Variants in WNT3A observed in about 807,000 individuals in gnomAD.
The protein encoded by WNT3A is protein Wnt-3a.
WNT3A carries 17 observed loss-of-function variants against 37.0 expected under a neutral mutation model. The observed-to-expected ratio is 0.46, with a 90% CI of 0.31 to 0.69. The LOEUF is 0.69. Ranked by LOEUF, WNT3A falls within the 30% of genes least tolerant of loss-of-function variation. The pLI, the probability that WNT3A is intolerant of heterozygous loss-of-function variation, is 0.05. For synonymous variants in WNT3A, 187 were observed against 211.0 expected, an observed-to-expected ratio of 0.89 and a Z score of 0.99; for missense variants, 411 against 510.2, an observed-to-expected ratio of 0.81 and a Z score of 1.87.
chr1:228,032,697 G>A (rs1358462105), intron 2 of WNT3A, among the ~76,000 whole-genome samples: 1 of 152,184 alleles, frequency 6.6e-6, no homozygotes, highest in Non-Finnish European at 1.5e-5. Context: ...ATACCTAGGA[G>A]CAGAATTGGG....
At chr1:228,051,433 C>T (rs1490211326) in intron 3 of WNT3A, among the ~76,000 whole-genome samples, 1 of 152,102 alleles carries the variant, frequency 6.6e-6, no homozygotes, top group South Asian at 2.1e-4. Flanking sequence ...CAAACCAAGC[C>T]GTGTAAAGCT....
At chr1:228,054,891 C>T (rs1333534309) in intron 3 of WNT3A, among the ~76,000 whole-genome samples, 2 of 147,794 alleles carry the variant, frequency 1.4e-5, no homozygotes, top group Admixed American at 6.7e-5. Context: ...CACGGTGGCT[C>T]GCACCTGTGA....
At chr1:228,013,609 G>A (rs1227199439) in intron 1 of WNT3A, among the ~76,000 whole-genome samples, 1 of 152,142 alleles carries the variant, frequency 6.6e-6, no homozygotes, top group Non-Finnish European at 1.5e-5. Flanking sequence ...AAGGGTTGCC[G>A]ACACCCAGGA....
chr1:228,011,065 G>A (rs1308727111), intron 1 of WNT3A, among the ~76,000 whole-genome samples: 1 of 152,156 alleles, frequency 6.6e-6, no homozygotes, highest in African/African-American at 2.4e-5. Flanking sequence ...CCTCAGTCCT[G>A]GTGGGCCTCA....
Position 228,007,284 on chromosome 1 carries a change from G to T in WNT3A, c.71+85G>T. ...CCCCTCGGGCAGGGACCCCGCGGTGGCCCGAGCCCGCGCCCTTCTGCTCCA... is the reference window on the plus strand; with the variant it reads ...CCCCTCGGGCAGGGACCCCGCGGTGTCCCGAGCCCGCGCCCTTCTGCTCCA... On this transcript the variant is annotated intron_variant, in intron 1 of 3. Coordinates refer to ENST00000284523, the MANE Select transcript of WNT3A (RefSeq NM_033131.4). This position sits in a 1 kb window ranked among gnomAD's most constrained non-coding sequence, Gnocchi z 6.0. 7.2e-7 allele frequency: 1 copy of T among 1,389,174 alleles called. No homozygotes were observed. Among genetic ancestry groups the T allele is most frequent in the Non-Finnish European group, 9.8e-7 (1 of 1,018,290 alleles). 86.1% of individuals were successfully genotyped at this position (1,389,174 alleles called of 1,614,324 possible). A position where few individuals can be genotyped will look rare whatever the true frequency, so the allele number is the denominator to read the frequency against.
At chr1:228,033,322 C>T (rs1459560530) in intron 2 of WNT3A, among the ~76,000 whole-genome samples, 1 of 151,542 alleles carries the variant, frequency 6.6e-6, no homozygotes, top group Non-Finnish European at 1.5e-5. Context: ...TTAGTGCTTA[C>T]ATCTCGGTCT....
intron 1 of WNT3A, among the ~76,000 whole-genome samples, chr1:228,011,142 C>T (rs1429205842): frequency 1.3e-5 from 2 of 152,140 alleles, no homozygotes; most frequent in Non-Finnish European, 2.9e-5. Flanking sequence ...GAGGCAGGAG[C>T]CAGGAAAGGG....
chr1:228,029,736 G>GCCCCCCCCCC (rs1394671477), intron 2 of WNT3A, among the ~76,000 whole-genome samples: 1 of 146,570 alleles, frequency 6.8e-6, no homozygotes, highest in East Asian at 2.3e-4. Context: ...GAATGCTTGT[G>GCCCCCCCCCC]CCCACCCCCC....
chr1:228,028,955 G>GA (rs1266863672), intron 2 of WNT3A, among the ~76,000 whole-genome samples: 8 of 151,982 alleles, frequency 5.3e-5, no homozygotes, highest in African/African-American at 1.7e-4. Flanking sequence ...TAGGCAAAAC[G>GA]AGTTTTTTTT....
In WNT3A at chr1:228,008,660, G is replaced by C. The variant is rs1397200259; in HGVS notation, c.71+1461G>C. On this transcript the variant is annotated intron_variant, in intron 1 of 3. Coordinates refer to ENST00000284523, the MANE Select transcript of WNT3A (RefSeq NM_033131.4). This position sits in a 1 kb window ranked among gnomAD's most constrained non-coding sequence, Gnocchi z 4.9. ...GTCCAGACGGCCGCAGGGAGCCAGG[G>C]GCAGCGCGTCCGTCCGAGAGAGCCC... 2.0e-5 allele frequency among the ~76,000 whole-genome samples: 3 copies of C among 152,148 alleles called. No homozygotes were observed. The highest frequency in any genetic ancestry group is 4.4e-5 in the Non-Finnish European group (3 of 68,002).
chr1:228,027,381 A>G (rs970922804), intron 2 of WNT3A, among the ~76,000 whole-genome samples: 1 of 152,234 alleles, frequency 6.6e-6, no homozygotes, highest in Non-Finnish European at 1.5e-5. Flanking sequence ...GAACTAATTG[A>G]CATTCCTACC....
At position 228,007,202 on chromosome 1, in the gene WNT3A, G is replaced by A; in HGVS notation, c.71+3G>A. On this transcript the variant is annotated splice_donor_region_variant and intron_variant, in intron 1 of 3. Transcript: ENST00000284523. The surrounding 1 kb of genome is among the most constrained non-coding windows in gnomAD (Gnocchi z 6.0). ...CTGGGCAGCTACCCGATCTGGTGGT[G>A]AGTGAGCCTCCTCGCGTTCGCCCCT... 6.2e-7 allele frequency: 1 copy of A among 1,601,454 alleles called. No homozygotes were observed.
At position 228,007,194 on chromosome 1, in the gene WNT3A, C is replaced by G. The variant is rs532168900; in HGVS notation, c.66C>G (p.Ile22Met). Residue 22 changes from isoleucine to methionine, a missense_variant, in exon 1 of 4, where the codon ATC becomes ATG. Ile to Met is a conservative substitution (Grantham distance 10). Coordinates refer to ENST00000284523, the MANE Select transcript of WNT3A (RefSeq NM_033131.4). This position sits in a 1 kb window ranked among gnomAD's most constrained non-coding sequence, Gnocchi z 6.0. ...AGCAGGCTCTGGGCAGCTACCCGAT[C>G]TGGTGGTGAGTGAGCCTCCTCGCGT... is the stretch of plus-strand genomic sequence containing the variant. ...SLKQALGSYP[I>M]WWSLAVGPQY... 22 of 1,603,354 alleles carry G rather than the reference C, an allele frequency of 1.4e-5. No individual in the cohort carries two copies. The South Asian group carries it at 2.3e-4, about 17-fold the overall frequency.
chr1:228,031,577 GT>G lies in WNT3A; in HGVS notation c.313+8670del, dbSNP rs546777890. Among the ~76,000 whole-genome samples the G allele has an allele frequency of 1.0e-3, 156 of 152,264 alleles. No homozygotes were observed. The highest frequency in any genetic ancestry group is 3.5e-3 in the African/African-American group (145 of 41,538). ...TGTCATGTGTGCACATGCATGTGGTGTGTGGGGTGTGTGCCTGTGCATGTGT... is the reference window on the plus strand; with the variant it reads ...TGTCATGTGTGCACATGCATGTGGTGGTGGGGTGTGTGCCTGTGCATGTGT... On this transcript the variant is annotated intron_variant, in intron 2 of 3. Transcript: ENST00000284523. This position sits in a 1 kb window ranked among gnomAD's most constrained non-coding sequence, Gnocchi z 4.8.
chr1:228,054,497 A>G (rs2031624358), intron 3 of WNT3A, among the ~76,000 whole-genome samples: 1 of 151,548 alleles, frequency 6.6e-6, no homozygotes, highest in African/African-American at 2.4e-5. Context: ...GCGTGGTGGC[A>G]GGTGCCTGTA....
rs2031299472 is a variant in WNT3A at position 228,042,163 on chromosome 1, G to C, written c.314-8493G>C. Reference sequence around the variant, plus strand: ...CCCGCTGATTTTTGTATTTTTAGTAGAGACGGGGTTTCACCATGTTGGCCA... The same window carrying C: ...CCCGCTGATTTTTGTATTTTTAGTACAGACGGGGTTTCACCATGTTGGCCA... On this transcript the variant is annotated intron_variant, in intron 2 of 3. Coordinates refer to ENST00000284523, the MANE Select transcript of WNT3A (RefSeq NM_033131.4). The surrounding 1 kb of genome is among the most constrained non-coding windows in gnomAD (Gnocchi z 5.2). 6.6e-6 allele frequency among the ~76,000 whole-genome samples: 1 copy of C among 152,148 alleles called. No individual in the cohort carries two copies. The highest frequency in any genetic ancestry group is 6.5e-5 in the Admixed American group (1 of 15,276).
intron 1 of WNT3A, among the ~76,000 whole-genome samples, chr1:228,014,439 A>G (rs1171452637): frequency 1.3e-5 from 2 of 152,122 alleles, no homozygotes; most frequent in Non-Finnish European, 2.9e-5. Flanking sequence ...CCCTTGGTAC[A>G]TGGGTGCTCT....
rs116370865 is a variant in WNT3A, at chr1:228,058,469, A to G, written c.580-517A>G. On this transcript the variant is annotated intron_variant, in intron 3 of 3. Coordinates refer to ENST00000284523, the MANE Select transcript of WNT3A (RefSeq NM_033131.4). ...GCGAGGTCCTGCCCGGTCCCCCAAC[A>G]GCCTTATGTCCCAACATTGCCTTCC... Among the ~76,000 whole-genome samples the G allele has an allele frequency of 4.7e-3, 723 of 152,326 alleles. 3 individuals carry two copies. Among genetic ancestry groups the G allele is most frequent in the African/African-American group, 0.016 (685 of 41,566 alleles).
chr1:228,018,045 TC>T (rs2030583030), intron 1 of WNT3A, among the ~76,000 whole-genome samples: 1 of 152,236 alleles, frequency 6.6e-6, no homozygotes, highest in Non-Finnish European at 1.5e-5. Context: ...AACATCCTTT[TC>T]ACGTTCCAAG....
Sources: allele counts gnomAD v4.1 joint callset (sites outside exome capture counted in the v4.1 genomes callset), GRCh38; gene constraint gnomAD v4.1.1; non-coding constraint Gnocchi (gnomAD v3.1); transcripts MANE v1.5; gene names NCBI Gene and HGNC (gene_info 2026-07-23, HGNC 2026-07-21).